EPHA6: variants seen among roughly 807,000 people sequenced by gnomAD.
EPHA6 encodes the protein ephrin type-A receptor 6.
In EPHA6, 50 loss-of-function variants were observed where a neutral mutation model predicts 112.0. The ratio of observed to expected loss-of-function variants is 0.45; its 90% CI spans 0.36 to 0.56. EPHA6 has a LOEUF of 0.56. EPHA6 is among the 20% of genes least tolerant of loss of function. EPHA6 has a pLI of 0.00. For missense variants in EPHA6, 1,280 were observed against 1,417.4 expected, an observed-to-expected ratio of 0.90 and a Z score of 1.56; for synonymous variants, 529 against 490.7, an observed-to-expected ratio of 1.08 and a Z score of -1.03.
At chr3:97,618,590 A>T (rs1331748609) in intron 13 of EPHA6, among the ~76,000 whole-genome samples, 2 of 152,036 alleles carry the variant, frequency 1.3e-5, no homozygotes, top group South Asian at 2.1e-4. Flanking sequence ...GGGAGATATT[A>T]CCCCACAGAA....
At chr3:97,245,938 C>G (rs543737160) in intron 5 of EPHA6, among the ~76,000 whole-genome samples, 1 of 152,050 alleles carries the variant, frequency 6.6e-6, no homozygotes, top group East Asian at 1.9e-4. Flanking sequence ...TGCTGATAAT[C>G]TTCAGAAATA....
At chr3:97,328,052 C>CATATATAAATATATAT (rs1490094035) in intron 5 of EPHA6, among the ~76,000 whole-genome samples, 23 of 56,994 alleles carry the variant, frequency 4.0e-4, no homozygotes, top group African/African-American at 1.7e-3. Flanking sequence ...CACATATATA[C>CATATATAAATATATAT]ACATATATAT....
At chr3:97,063,618 G>A (rs2046092124) in intron 3 of EPHA6, among the ~76,000 whole-genome samples, 1 of 152,122 alleles carries the variant, frequency 6.6e-6, no homozygotes, top group Non-Finnish European at 1.5e-5. Context: ...CTAGGTGATG[G>A]GTTGATAGTG....
rs780244403 is a variant in EPHA6 at position 97,492,547 on chromosome 3, C to CAAAAAAAAAAAAAAA, written c.2200+8521_2200+8535dup. ...ACAGAGCGAGAGTGAGACTCAGTCT[C>CAAAAAAAAAAAAAAA]AAAAAAAAAAAAAAAAAAAAAAAAA... is the stretch of plus-strand genomic sequence containing the variant. On this transcript the variant is annotated intron_variant, in intron 10 of 17. Transcript: ENST00000389672. Among the ~76,000 whole-genome samples the CAAAAAAAAAAAAAAA allele has an allele frequency of 4.8e-4, 14 of 28,942 alleles. 5 individuals are homozygous for CAAAAAAAAAAAAAAA. The highest frequency in any genetic ancestry group is 8.7e-4 in the Non-Finnish European group (11 of 12,638). 19.0% of individuals were successfully genotyped at this position (28,942 alleles called of 152,430 possible).
intron 2 of EPHA6, among the ~76,000 whole-genome samples, chr3:96,884,899 T>C (rs2037534896): frequency 6.6e-6 from 1 of 152,312 alleles, no homozygotes; most frequent in East Asian, 1.9e-4. Context: ...GTATATTGCA[T>C]GTATGCCAAT....
intron 2 of EPHA6, among the ~76,000 whole-genome samples, chr3:96,899,268 CT>C (rs2038468795): frequency 6.6e-6 from 1 of 152,122 alleles, no homozygotes; most frequent in African/African-American, 2.4e-5. Context: ...CATCTTCCCC[CT>C]ATGTATATCT....
intron 14 of EPHA6, among the ~76,000 whole-genome samples, chr3:97,651,103 C>T (rs2094104746): frequency 6.6e-6 from 1 of 151,964 alleles, no homozygotes; most frequent in Non-Finnish European, 1.5e-5. Context: ...TAATATACTA[C>T]TTAATGGCTT....
intron 5 of EPHA6, among the ~76,000 whole-genome samples, chr3:97,343,153 T>A (rs2083392093): frequency 6.6e-6 from 1 of 152,156 alleles, no homozygotes; most frequent in Non-Finnish European, 1.5e-5. Flanking sequence ...ACATAAATAA[T>A]TATGTATAGA....
At chr3:97,586,417 T>G (rs2107315372) in intron 11 of EPHA6, among the ~76,000 whole-genome samples, 1 of 152,320 alleles carries the variant, frequency 6.6e-6, no homozygotes, top group African/African-American at 2.4e-5. Context: ...TGACATAAAC[T>G]TATTGAATCT....
intron 3 of EPHA6, among the ~76,000 whole-genome samples, chr3:97,130,281 T>C (rs1358756246): frequency 6.6e-6 from 1 of 152,080 alleles, no homozygotes; most frequent in Non-Finnish European, 1.5e-5. Context: ...TTTTTCTCTT[T>C]TTCTTCATTT....
chr3:96,950,607 A>T (rs191686154), intron 2 of EPHA6, among the ~76,000 whole-genome samples: 2 of 152,280 alleles, frequency 1.3e-5, no homozygotes, highest in East Asian at 3.9e-4. Context: ...ATCATTATTC[A>T]TGGGTGGTAA....
In EPHA6 at chr3:97,327,831, G is replaced by GTGTGTGTATATATATATATATGTATA. The variant is rs1318528226; in HGVS notation, c.1607-77301_1607-77276dup. ...ATTGCTGAATGATATTCCTTGGTGT[G>GTGTGTGTATATATATATATATGTATA]TGTGTGTATATATATATATATGTAT... On this transcript the variant is annotated intron_variant, in intron 5 of 17. Transcript: ENST00000389672. 6.8e-5 allele frequency among the ~76,000 whole-genome samples: 9 copies of GTGTGTGTATATATATATATATGTATA among 132,350 alleles called. No homozygotes were observed. In the South Asian group the frequency reaches 1.1e-3, roughly 16 times the overall value. The allele number at this position is 132,350 out of a possible 152,430, so 86.8% of individuals were successfully genotyped here. A position where few individuals can be genotyped will look rare whatever the true frequency, so the allele number is the denominator to read the frequency against.
At chr3:96,878,755 A>G (rs1203436218) in intron 2 of EPHA6, among the ~76,000 whole-genome samples, 1 of 152,088 alleles carries the variant, frequency 6.6e-6, no homozygotes, top group Non-Finnish European at 1.5e-5. Flanking sequence ...GATGGTTTTG[A>G]ATAGGTTTTT....
intron 10 of EPHA6, among the ~76,000 whole-genome samples, chr3:97,528,046 A>G (rs1393022100): frequency 6.6e-6 from 1 of 152,130 alleles, no homozygotes; most frequent in African/African-American, 2.4e-5. Context: ...GGAAGGAAAG[A>G]TATGAGAATA....
At chr3:97,620,879 G>A (rs1292993367) in intron 13 of EPHA6, among the ~76,000 whole-genome samples, 1 of 151,952 alleles carries the variant, frequency 6.6e-6, no homozygotes, top group African/African-American at 2.4e-5. Context: ...CCTAAAGACA[G>A]AAATAACATT....
At chr3:97,695,380 A>G (rs896759935) in intron 14 of EPHA6, among the ~76,000 whole-genome samples, 3 of 152,222 alleles carry the variant, frequency 2.0e-5, no homozygotes, top group Admixed American at 6.5e-5. Context: ...ATTACTGTAG[A>G]CAGAGTGTAC....
chr3:97,507,871 T>C (rs2107579183), intron 10 of EPHA6, among the ~76,000 whole-genome samples: 1 of 152,326 alleles, frequency 6.6e-6, no homozygotes. Context: ...ATTCGACTTC[T>C]TCCTGGTTTA....
chr3:97,699,121 AG>A (rs1335054453), intron 14 of EPHA6, among the ~76,000 whole-genome samples: 1 of 152,190 alleles, frequency 6.6e-6, no homozygotes, highest in Non-Finnish European at 1.5e-5. Context: ...ATAGACGAGC[AG>A]GGTTCAGAAA....
intron 2 of EPHA6, among the ~76,000 whole-genome samples, chr3:96,952,151 C>T (rs1235407008): frequency 6.6e-6 from 1 of 152,106 alleles, no homozygotes; most frequent in African/African-American, 2.4e-5. Flanking sequence ...CTCACTACAC[C>T]CATCCAGACA....
Sources: gnomAD v4.1 joint callset for allele counts (sites outside exome capture counted in the v4.1 genomes callset) on GRCh38, gnomAD v4.1.1 for gene constraint, MANE v1.5 for transcripts, NCBI Gene and HGNC (gene_info 2026-07-23, HGNC 2026-07-21) for gene names.